Variants in STRN observed in about 807,000 individuals in gnomAD.
STRN encodes the protein striatin, also known as protein phosphatase 2 regulatory subunit B'''alpha.
In STRN, 53 loss-of-function variants were observed where a neutral mutation model predicts 96.3. The observed-to-expected ratio is 0.55, with a 90% CI of 0.44 to 0.69. The LOEUF (loss-of-function observed/expected upper bound fraction) is 0.69, where lower values mean the gene tolerates loss of function less well. Among genes scored for constraint, STRN ranks in the 30% least tolerant of loss-of-function variants. The pLI is 0.00. For missense variants in STRN, 987 were observed against 963.9 expected, an observed-to-expected ratio of 1.02 and a Z score of -0.32; for synonymous variants, 428 against 355.9, an observed-to-expected ratio of 1.20 and a Z score of -2.28.
chr2:36,895,956 G>A (rs1012973321), intron 6 of STRN, among the ~76,000 whole-genome samples: 1 of 151,928 alleles, frequency 6.6e-6, no homozygotes, highest in African/African-American at 2.4e-5. Context: ...TGTATCTGAA[G>A]AGTTATGCCA....
At chr2:36,876,285 A>T (rs68053386) in intron 10 of STRN, among the ~76,000 whole-genome samples, 535 of 58,600 alleles carry the variant, frequency 9.1e-3, no homozygotes, top group African/African-American at 0.02. Flanking sequence ...AAAAAAAAAA[A>T]TTTTTTTTTT....
chr2:36,883,182 T>G (rs1669119320), intron 9 of STRN, among the ~76,000 whole-genome samples: 1 of 152,062 alleles, frequency 6.6e-6, no homozygotes, highest in South Asian at 2.1e-4. Context: ...AGGCCAGGCA[T>G]GGTGGCTCAT....
intron 1 of STRN, among the ~76,000 whole-genome samples, chr2:36,939,270 G>A (rs1303736782): frequency 1.3e-5 from 2 of 152,064 alleles, no homozygotes; most frequent in African/African-American, 4.8e-5. Flanking sequence ...GGGATACACT[G>A]TACTGACATT....
At chr2:36,871,088 T>C (rs908495072) in intron 10 of STRN, among the ~76,000 whole-genome samples, 4 of 152,250 alleles carry the variant, frequency 2.6e-5, no homozygotes, top group African/African-American at 9.6e-5. Flanking sequence ...TTAAGCTGTG[T>C]CAAAATGTTT....
In STRN at chr2:36,935,225, G is replaced by A. The variant is rs550224362; in HGVS notation, c.235-10017C>T. Among the ~76,000 whole-genome samples, 4 of 151,932 alleles carry A rather than the reference G, an allele frequency of 2.6e-5. No individual in the cohort carries two copies. In the East Asian group the frequency reaches 5.8e-4, roughly 22 times the overall value. On this transcript the variant is annotated intron_variant, in intron 1 of 17. Coordinates refer to ENST00000263918, the MANE Select transcript of STRN (RefSeq NM_003162.4). ...CCTCTCCAAATGCCCTTTCATTTTC[G>A]GATTCTACCAATGTCCTAGTCTGAG...
rs370559863 is a variant in STRN, at chr2:36,884,041, A to G, written c.1077T>C (p.Ala359=). The G allele has an allele frequency of 1.4e-6, 2 of 1,420,406 alleles. No homozygotes were observed. The highest frequency in any genetic ancestry group is 2.4e-5 in the Admixed American group (1 of 41,692). The allele number at this position is 1,420,406 out of a possible 1,614,324, so 88.0% of individuals were successfully genotyped here. A position where few individuals can be genotyped will look rare whatever the true frequency, so the allele number is the denominator to read the frequency against. ...PNRSKLQDML[A]NLRDVDELPS... The stretch of plus-strand genomic sequence containing the variant: ...GAAGTTCATCAACATCTCTCAAATT[A>G]GCAAGCATATCTTGTAGTTTTGACC... The change falls in exon 9 of 18, where the codon GCT becomes GCC. Residue 359 remains alanine, a synonymous_variant. Coordinates refer to ENST00000263918, the MANE Select transcript of STRN (RefSeq NM_003162.4).
rs775385738 is a variant in STRN at position 36,888,670 on chromosome 2, T to TGTGTGC, written c.932-1845_932-1844insGCACAC. 6.0e-5 allele frequency among the ~76,000 whole-genome samples: 9 copies of TGTGTGC among 149,170 alleles called. No homozygotes were observed. The South Asian group carries it at 1.1e-3, about 18-fold the overall frequency. On this transcript the variant is annotated intron_variant, in intron 7 of 17. Coordinates refer to ENST00000263918, the MANE Select transcript of STRN (RefSeq NM_003162.4). ...GTGTGTGTGTGTGTGTGTGTGTGTG[T>TGTGTGC]GCATTTATTTACTTATCCATTTATT...
At chr2:36,860,116 T>C (rs756103618) in intron 13 of STRN, among the ~76,000 whole-genome samples, 3 of 151,938 alleles carry the variant, frequency 2.0e-5, no homozygotes, top group Non-Finnish European at 4.4e-5. Flanking sequence ...GCTGAGGGGA[T>C]GGAAAGGGAG....
intron 7 of STRN, among the ~76,000 whole-genome samples, chr2:36,888,667 G>GTGTGTGTGTGTGTGTT (rs1343305681): frequency 2.0e-5 from 3 of 150,716 alleles, no homozygotes; most frequent in Middle Eastern, 3.4e-3. Context: ...GTGTGTGTGT[G>GTGTGTGTGTGTGTGTT]TGTGCATTTA....
intron 9 of STRN, among the ~76,000 whole-genome samples, chr2:36,880,948 G>C (rs186803922): frequency 3.1e-4 from 47 of 152,160 alleles, no homozygotes; most frequent in Admixed American, 7.9e-4. Flanking sequence ...GACTGATGAG[G>C]CAGAGCAATA....
intron 14 of STRN, among the ~76,000 whole-genome samples, chr2:36,856,582 A>G (rs903703336): frequency 6.6e-6 from 1 of 152,220 alleles, no homozygotes; most frequent in African/African-American, 2.4e-5. Flanking sequence ...AGATAAAACT[A>G]ATCTATGATG....
chr2:36,939,833 G>C (rs1367040410), intron 1 of STRN, among the ~76,000 whole-genome samples: 3 of 152,180 alleles, frequency 2.0e-5, no homozygotes, highest in Non-Finnish European at 4.4e-5. Context: ...ACAACTAAAA[G>C]TATATTAAAT....
chr2:36,877,336 C>A (rs1274686569), intron 10 of STRN, among the ~76,000 whole-genome samples: 1 of 152,166 alleles, frequency 6.6e-6, no homozygotes, highest in African/African-American at 2.4e-5. Flanking sequence ...AAAAGGAATT[C>A]TTTCCCCTAT....
intron 5 of STRN, among the ~76,000 whole-genome samples, chr2:36,899,919 G>A (rs867423794): frequency 1.4e-4 from 22 of 152,002 alleles, no homozygotes; most frequent in South Asian, 4.2e-4. Context: ...CAAAGTCTCC[G>A]GGCTCTGTCA....
At chr2:36,910,489 T>A (rs1028410935) in intron 3 of STRN, among the ~76,000 whole-genome samples, 2 of 152,180 alleles carry the variant, frequency 1.3e-5, no homozygotes, top group Non-Finnish European at 2.9e-5. Flanking sequence ...TACACTATTA[T>A]AAGGTTATTG....
At chr2:36,915,335 A>T (rs531891155) in intron 3 of STRN, among the ~76,000 whole-genome samples, 3 of 148,102 alleles carry the variant, frequency 2.0e-5, no homozygotes, top group Non-Finnish European at 4.5e-5. Flanking sequence ...ATGTCTTCAG[A>T]TATCTGATTG....
At chr2:36,854,888 T>C (rs923055497) in intron 15 of STRN, among the ~76,000 whole-genome samples, 2 of 152,162 alleles carry the variant, frequency 1.3e-5, no homozygotes, top group African/African-American at 2.4e-5. Flanking sequence ...AATATGAAAT[T>C]ACGAGAAATG....
rs202066152 is a variant in STRN at position 36,855,348 on chromosome 2, C to A, written c.1842G>T (p.Leu614=). 7 of 1,612,900 alleles carry A rather than the reference C, an allele frequency of 4.3e-6. No individual in the cohort carries two copies. Among genetic ancestry groups the A allele is most frequent in the Non-Finnish European group, 5.9e-6 (7 of 1,179,582 alleles). The change falls in exon 15 of 18, where the codon CTG becomes CTT. Residue 614 remains leucine (L), a synonymous_variant. Transcript: ENST00000263918. ...CTAGATCCACAGAGGCAGGGATTCC[C>A]AGTTCTGAAAGAGAACATATTGAAA... is the stretch of plus-strand genomic sequence containing the variant. ...ALSVFNDTKE[L]GIPASVDLVS... is the part of the protein sequence containing the mutation.
At chr2:36,961,988 T>C (rs895959701) in intron 1 of STRN, among the ~76,000 whole-genome samples, 4 of 152,204 alleles carry the variant, frequency 2.6e-5, no homozygotes, top group Non-Finnish European at 4.4e-5. Context: ...AATGGCATCT[T>C]ATCAGTGAAT....
Sources: allele counts gnomAD v4.1 joint callset (sites outside exome capture counted in the v4.1 genomes callset), GRCh38; gene constraint gnomAD v4.1.1; transcripts MANE v1.5; gene names NCBI Gene and HGNC (gene_info 2026-07-23, HGNC 2026-07-21).